CACNA1E: variants seen among roughly 807,000 people sequenced by gnomAD.
The protein encoded by CACNA1E is voltage-dependent R-type calcium channel subunit alpha-1E.
In CACNA1E, 40 loss-of-function variants were observed where a neutral mutation model predicts 259.2. The observed-to-expected ratio is 0.15, with a 90% CI of 0.12 to 0.20. The LOEUF is 0.20. Ranked by LOEUF, CACNA1E falls within the 10% of genes least tolerant of loss-of-function variation. The probability of loss-of-function intolerance (pLI) is 1.00; values close to 1 mark genes in which losing one functional copy is unlikely to be tolerated. For synonymous variants in CACNA1E, 1,104 were observed against 1,138.5 expected (o/e 0.97, Z 0.61); for missense variants, 1,874 against 3,040.1 (o/e 0.62, Z 9.02).
chr1:181,752,100 C>A, intron 26 of CACNA1E, 43 bp from the exon 27 acceptor site: 3 of 1,287,404 alleles, frequency 2.3e-6, no homozygotes, highest in Non-Finnish European at 3.4e-6. Context: ...ATTTTTATTT[C>A]TCCCCCATTC....
At chr1:181,656,381 C>T (rs978418932) in intron 7 of CACNA1E, among the ~76,000 whole-genome samples, 1 of 151,728 alleles carries the variant, frequency 6.6e-6, no homozygotes, top group Non-Finnish European at 1.5e-5. Context: ...TTTGTGTCTT[C>T]GCTTTTAACA....
intron 7 of CACNA1E, among the ~76,000 whole-genome samples, chr1:181,691,102 T>A (rs973725037): frequency 2.6e-5 from 4 of 152,078 alleles, no homozygotes; most frequent in Non-Finnish European, 5.9e-5. Context: ...TATGAAACTC[T>A]GACTTGACTT....
At chr1:181,530,229 C>T (rs1416793097) in intron 3 of CACNA1E, among the ~76,000 whole-genome samples, 1 of 152,148 alleles carries the variant, frequency 6.6e-6, no homozygotes, top group African/African-American at 2.4e-5. Flanking sequence ...TTAAGAAGTG[C>T]CTTTCACCTC....
chr1:181,495,316 G>C (rs571288327), intron 1 of CACNA1E, among the ~76,000 whole-genome samples: 9 of 152,182 alleles, frequency 5.9e-5, no homozygotes, highest in Non-Finnish European at 1.0e-4. Flanking sequence ...TCAAATCTCA[G>C]TATCACCTCT....
intron 3 of CACNA1E, among the ~76,000 whole-genome samples, chr1:181,571,231 G>A (rs1650380803): frequency 6.6e-6 from 1 of 152,196 alleles, no homozygotes; most frequent in Non-Finnish European, 1.5e-5. Context: ...GCTAGTATAG[G>A]TGATGGAACT....
chr1:181,662,284 T>C (rs758141753), intron 7 of CACNA1E, among the ~76,000 whole-genome samples: 19 of 152,216 alleles, frequency 1.2e-4, no homozygotes, highest in Non-Finnish European at 2.2e-4. Flanking sequence ...CCTGCCTCCT[T>C]GTTACAGTGG....
chr1:181,711,213 C>T (rs536944355), intron 8 of CACNA1E, 144 bp downstream of exon 8: 12 of 634,320 alleles, frequency 1.9e-5, no homozygotes, highest in South Asian at 7.6e-5. Context: ...CTTAAGGTTC[C>T]CTGCTCATCC....
chr1:181,487,714 C>G (rs1022401576), intron 1 of CACNA1E, among the ~76,000 whole-genome samples: 2 of 152,114 alleles, frequency 1.3e-5, no homozygotes, highest in African/African-American at 4.8e-5. Context: ...TGTTTCATGC[C>G]CAGGGCCAGT....
chr1:181,771,242 C>A, intron 35 of CACNA1E, 51 bp from the exon 36 acceptor site: 1 of 1,031,430 alleles, frequency 9.7e-7, no homozygotes, highest in Non-Finnish European at 1.5e-6. Context: ...GTGCTGGACA[C>A]ATCACACAGC....
chr1:181,617,932 C>T (rs1408200979), intron 6 of CACNA1E, among the ~76,000 whole-genome samples: 7 of 152,242 alleles, frequency 4.6e-5, no homozygotes, highest in Admixed American at 6.5e-5. Flanking sequence ...AGTTTATTTT[C>T]GGTGTAGGAA....
In CACNA1E at chr1:181,758,054, C is replaced by G. The variant is rs1658245231; in HGVS notation, c.4437C>G (p.Ser1479=). Reference sequence around the variant, plus strand: ...TGTGGCACTTTGTGGTGTCTCCGTCCTTTGAGTACACCATTATGGCCATGA... The same window carrying G: ...TGTGGCACTTTGTGGTGTCTCCGTCGTTTGAGTACACCATTATGGCCATGA... ...YRVWHFVVSP[S]FEYTIMAMIA... The change falls in exon 31 of 48, where the codon TCC becomes TCG. Residue 1479 remains serine, a synonymous_variant. Coordinates refer to ENST00000367573, the MANE Select transcript of CACNA1E (RefSeq NM_001205293.3). The surrounding 1 kb of genome is among the most constrained non-coding windows in gnomAD (Gnocchi z 4.2). 6.2e-7 allele frequency: 1 copy of G among 1,613,792 alleles called. No homozygotes were observed. The highest frequency in any genetic ancestry group is 1.1e-5 in the South Asian group (1 of 91,082).
At chr1:181,708,281 A>G (rs1652992364) in intron 7 of CACNA1E, among the ~76,000 whole-genome samples, 1 of 152,226 alleles carries the variant, frequency 6.6e-6, no homozygotes, top group Admixed American at 6.5e-5. Flanking sequence ...GCAGAGGGTG[A>G]TGGAAGCCAT....
rs137886509 is a variant in CACNA1E at position 181,338,763 on chromosome 1, T to A, written c.-15+20640T>A. 6.6e-3 allele frequency among the ~76,000 whole-genome samples: 1,001 copies of A among 152,290 alleles called. 10 individuals carry two copies. The highest frequency in any genetic ancestry group is 0.023 in the African/African-American group (951 of 41,572). On this transcript the variant is annotated intron_variant, in intron 1 of 11. Coordinates refer to the CACNA1E transcript ENST00000524607. The stretch of plus-strand genomic sequence containing the variant: ...CACTATCAAAGAGCTTTTCCCTTAT[T>A]TCTTTTTTCCCAGCATTTTTATGAT...
At chr1:181,642,528 C>T (rs921418646) in intron 6 of CACNA1E, among the ~76,000 whole-genome samples, 10 of 152,170 alleles carry the variant, frequency 6.6e-5, no homozygotes, top group Non-Finnish European at 1.3e-4. Context: ...GCCTCCTGTA[C>T]TCTTTTGCGT....
intron 15 of CACNA1E, among the ~76,000 whole-genome samples, chr1:181,721,194 G>A (rs541260524): frequency 3.7e-4 from 56 of 152,066 alleles, no homozygotes; most frequent in Non-Finnish European, 7.5e-4. Context: ...ATTTAATGAG[G>A]TATCCATTAA....
intron 6 of CACNA1E, among the ~76,000 whole-genome samples, chr1:181,635,188 C>G (rs1156575657): frequency 2.0e-5 from 3 of 152,210 alleles, no homozygotes; most frequent in Non-Finnish European, 4.4e-5. Flanking sequence ...GCTTTCCCCT[C>G]TGTTTTTCCA....
intron 2 of CACNA1E, among the ~76,000 whole-genome samples, chr1:181,478,081 C>G (rs1662981451): frequency 6.6e-6 from 1 of 152,198 alleles, no homozygotes; most frequent in African/African-American, 2.4e-5. Context: ...AGATCCAGCT[C>G]TGCTATTTCC....
intron 6 of CACNA1E, among the ~76,000 whole-genome samples, chr1:181,617,032 G>A (rs1252345951): frequency 6.6e-6 from 1 of 151,974 alleles, no homozygotes; most frequent in Non-Finnish European, 1.5e-5. Context: ...TTTCATTCCT[G>A]ATGGTGATAA....
chr1:181,419,199 C>CCAT (rs71571278), intron 2 of CACNA1E, among the ~76,000 whole-genome samples: 39,407 of 151,958 alleles, frequency 0.26, 5,138 homozygotes, highest in Admixed American at 0.3. Flanking sequence ...TGCATGATTT[C>CCAT]CATCTTCTCC....
Sources: allele counts gnomAD v4.1 joint callset (sites outside exome capture counted in the v4.1 genomes callset), GRCh38; gene constraint gnomAD v4.1.1; non-coding constraint Gnocchi (gnomAD v3.1); transcripts MANE v1.5; gene names NCBI Gene and HGNC (gene_info 2026-07-23, HGNC 2026-07-21).